Variants in SSX3 observed in about 807,000 individuals in gnomAD.
The protein encoded by SSX3 is protein SSX3.
SSX3 carries 6 observed loss-of-function variants against 14.8 expected under a neutral mutation model. The ratio of observed to expected loss-of-function variants is 0.41; its 90% CI spans 0.22 to 0.80. The LOEUF (loss-of-function observed/expected upper bound fraction) is 0.80. SSX3 is among the 30% of genes least tolerant of loss of function. The pLI is 0.34. For missense variants in SSX3, 163 were observed against 152.2 expected (o/e 1.07, Z -0.37); for synonymous variants, 55 against 52.9 (o/e 1.04, Z -0.18).
chrX:48,353,279 C>A (rs1196665817), intron 4 of SSX3, among the ~76,000 whole-genome samples: 9 of 111,073 alleles, frequency 8.1e-5, no homozygotes, highest in African/African-American at 2.0e-4. Flanking sequence ...CGGATCTCAA[C>A]ATTACCCCAC....
intron 3 of SSX3, 38 bp from the exon 4 acceptor site, chrX:48,354,132 G>A (rs782556111): frequency 1.4e-5 from 16 of 1,129,960 alleles, no homozygotes; most frequent in Non-Finnish European, 1.8e-5. Context: ...TAAGAGACAA[G>A]CTTGGGCCTG....
intron 4 of SSX3, among the ~76,000 whole-genome samples, chrX:48,353,453 C>T (rs782711430): frequency 1.8e-3 from 198 of 110,884 alleles, no homozygotes; most frequent in African/African-American, 5.9e-3. Context: ...GGTGAAACCC[C>T]GTCTCTACCA....
intron 2 of SSX3, 131 bp from the exon 3 acceptor site, chrX:48,354,877 T>A (rs2061279631): frequency 8.5e-7 from 1 of 1,183,281 alleles, no homozygotes. Context: ...CACGGCTAAC[T>A]GACAGAACAT....
In SSX3 at chrX:48,346,476, G is replaced by C. The variant is rs1241880653; in HGVS notation, c.*564C>G. 5.0e-6 allele frequency: 1 copy of C among 200,038 alleles called. No individual in the cohort carries two copies. Among genetic ancestry groups the C allele is most frequent in the Admixed American group, 6.9e-5 (1 of 14,544 alleles). 16.5% of individuals were successfully genotyped at this position (200,038 alleles called of 1,213,427 possible). On this transcript the variant is annotated 3_prime_UTR_variant, in exon 8 of 8. Transcript: ENST00000298396. Reference sequence around the variant, plus strand: ...TGTCAGTGACTGCTACAGGGGAATCGGATGAGGGGAGTACATGCTGACCAG... The same window carrying C: ...TGTCAGTGACTGCTACAGGGGAATCCGATGAGGGGAGTACATGCTGACCAG...
Position 48,354,713 on chromosome X carries a change from C to T in SSX3, c.103G>A (p.Glu35Lys), listed in dbSNP as rs782373565. The change falls in exon 3 of 8, where the codon GAA (glutamate) becomes AAA (lysine). Residue 35 changes from glutamate to lysine, a missense_variant. By Grantham distance (56) the Glu-to-Lys change is moderately conservative. Coordinates refer to ENST00000298396, the MANE Select transcript of SSX3 (RefSeq NM_021014.4). ...FDDIAKYFSK[E>K]EWEKMKVSEK... ...GAGACTTTCATCTTTTCCCACTCTT[C>T]CTTAGAGAAGTATTTGGCAATATCA... The T allele has an allele frequency of 2.4e-5, 29 of 1,207,515 alleles. No homozygotes were observed. Among genetic ancestry groups the T allele is most frequent in the South Asian group, 5.3e-5 (3 of 56,693 alleles).
chrX:48,348,175 A>G, intron 6 of SSX3: 1 of 407,426 alleles, frequency 2.5e-6, no homozygotes, highest in Non-Finnish European at 4.3e-6. Flanking sequence ...CAGGCATGCA[A>G]TGCATGATAA....
intron 6 of SSX3, among the ~76,000 whole-genome samples, chrX:48,348,624 C>T (rs1556949001): frequency 9.0e-6 from 1 of 111,165 alleles, no homozygotes; most frequent in South Asian, 3.6e-4. Context: ...GCCTCTTGCA[C>T]CAAACAGCCA....
chrX:48,350,511 T>A (rs2061257424), intron 5 of SSX3, among the ~76,000 whole-genome samples: 1 of 111,294 alleles, frequency 9.0e-6, no homozygotes, highest in South Asian at 3.8e-4. Context: ...AGACAGCTGC[T>A]GGGAGAGTAA....
chrX:48,352,256 G>C (rs150067040), intron 4 of SSX3, 107 bp from the exon 5 acceptor site: 4 of 917,940 alleles, frequency 4.4e-6, no homozygotes, highest in Middle Eastern at 8.2e-4. Flanking sequence ...ATGAGTCCAC[G>C]CATTGTTGAG....
intron 1 of SSX3, among the ~76,000 whole-genome samples, chrX:48,356,173 T>C (rs1378512903): frequency 9.0e-6 from 1 of 110,986 alleles, no homozygotes; most frequent in Non-Finnish European, 1.9e-5. Flanking sequence ...AAACAAAATT[T>C]AGCAGAAGCG....
Position 48,350,041 on chromosome X carries a change from G to C in SSX3, c.412C>G (p.Gln138Glu), listed in dbSNP as rs782591173. ...GTTGGTTTTCCCGGGGGGCACAGCT[G>C]TTTCCCATCGTTTTGTGGGCCAGAT... ...EASGPQNDGKQLCPPGKPTTS... is the reference protein window; with the variant it reads ...EASGPQNDGKELCPPGKPTTS... The change falls in exon 6 of 8, where the codon CAG becomes GAG. Residue 138 changes from glutamine (Q) to glutamate (E), a missense_variant. By Grantham distance (29) the Gln-to-Glu change is conservative. Transcript: ENST00000298396. The C allele has an allele frequency of 4.1e-6, 5 of 1,209,799 alleles. No individual in the cohort carries two copies. The highest frequency in any genetic ancestry group is 1.8e-5 in the African/African-American group (1 of 57,109).
rs144540598 is a variant in SSX3, at chrX:48,349,578, T to C, written c.466+409A>G. ...TCTGGAACCGAACCTGCAGTATCTC[T>C]GAAGGACACCTGTATTGGGTAACAG... On this transcript the variant is annotated intron_variant, in intron 6 of 7. Transcript: ENST00000298396. The C allele has an allele frequency of 1.4e-3, 1,667 of 1,208,484 alleles. 1 individual carries two copies. Among genetic ancestry groups the C allele is most frequent in the Non-Finnish European group, 1.4e-3 (1,249 of 895,160 alleles).
At chrX:48,351,067 A>C (rs2061260796) in intron 5 of SSX3, among the ~76,000 whole-genome samples, 1 of 111,059 alleles carries the variant, frequency 9.0e-6, no homozygotes, top group African/African-American at 3.3e-5. Flanking sequence ...CCGCGCCCTG[A>C]TCTTAAGCTA....
intron 4 of SSX3, among the ~76,000 whole-genome samples, chrX:48,353,034 A>G (rs1238302194): frequency 4.5e-5 from 5 of 111,479 alleles, no homozygotes; most frequent in Admixed American, 9.6e-5. Context: ...TGTGTTCATC[A>G]ACCTCACTCC....
chrX:48,355,137 A>G (rs1280515251), intron 2 of SSX3, 44 bp downstream of exon 2: 1 of 1,203,999 alleles, frequency 8.3e-7, no homozygotes. Context: ...GTCACCCCAC[A>G]CTGTCCCCTG....
chrX:48,348,139 T>G, intron 6 of SSX3: 1 of 366,310 alleles, frequency 2.7e-6, no homozygotes, highest in Non-Finnish European at 4.7e-6. Context: ...TGTATATTCT[T>G]ATGGGGTACA....
At chrX:48,353,009 AT>A (rs1228455236) in intron 4 of SSX3, among the ~76,000 whole-genome samples, 2 of 111,726 alleles carry the variant, frequency 1.8e-5, no homozygotes, top group East Asian at 5.6e-4. Context: ...AGAAACAGCG[AT>A]CTTTATTACA....
At chrX:48,352,828 A>C (rs1325423600) in intron 4 of SSX3, among the ~76,000 whole-genome samples, 5 of 111,882 alleles carry the variant, frequency 4.5e-5, no homozygotes, top group African/African-American at 1.6e-4. Context: ...AAAGCTCTCT[A>C]CCCAAGAACC....
rs1465576343 is a variant in SSX3 at position 48,346,780 on chromosome X, T to G, written c.*260A>C. 19 of 492,185 alleles carry G rather than the reference T, an allele frequency of 3.9e-5. No individual in the cohort carries two copies. The highest frequency in any genetic ancestry group is 2.0e-5 in the Non-Finnish European group (6 of 294,204). 40.6% of individuals were successfully genotyped at this position (492,185 alleles called of 1,213,427 possible). On this transcript the variant is annotated 3_prime_UTR_variant, in exon 8 of 8. Coordinates refer to ENST00000298396, the MANE Select transcript of SSX3 (RefSeq NM_021014.4). Reference sequence around the variant, plus strand: ...AGGTGCATGGATACACAAACCAAAATATGCATTAAGTATGTCTTGCTCATC... The same window carrying G: ...AGGTGCATGGATACACAAACCAAAAGATGCATTAAGTATGTCTTGCTCATC...
Sources: allele counts gnomAD v4.1 joint callset (sites outside exome capture counted in the v4.1 genomes callset), GRCh38; gene constraint gnomAD v4.1.1; transcripts MANE v1.5; gene names NCBI Gene and HGNC (gene_info 2026-07-23, HGNC 2026-07-21).